IL15: variants seen among roughly 807,000 people sequenced by gnomAD.
The protein encoded by IL15 is interleukin 15.
In IL15, 11 loss-of-function variants were observed where a neutral mutation model predicts 19.6. The observed-to-expected ratio is 0.56, with a 90% CI of 0.35 to 0.93. The LOEUF is 0.93. Ranked by LOEUF, IL15 falls within the 40% of genes least tolerant of loss-of-function variation. The pLI is 0.01. For missense variants in IL15, 197 were observed against 186.5 expected, an observed-to-expected ratio of 1.06 and a Z score of -0.33; for synonymous variants, 58 against 59.6, an observed-to-expected ratio of 0.97 and a Z score of 0.12.
intron 2 of IL15, chr4:141,704,596 C>G: frequency 2.6e-6 from 1 of 386,548 alleles, no homozygotes; most frequent in South Asian, 1.9e-5. Context: ...CTTCAATTTT[C>G]TTCAGTAGTT....
At chr4:141,649,063 C>T (rs759898729) in intron 1 of IL15, among the ~76,000 whole-genome samples, 23 of 152,010 alleles carry the variant, frequency 1.5e-4, no homozygotes, top group Admixed American at 5.9e-4. Context: ...TACTCTCTGC[C>T]CCTAAACACA....
At position 141,732,861 on chromosome 4, in the gene IL15, CT is replaced by C. The variant is rs1730497111; in HGVS notation, c.*18del. 1 of 1,603,182 alleles carries C rather than the reference CT, an allele frequency of 6.2e-7. No homozygotes were observed. Among genetic ancestry groups the C allele is most frequent in the Admixed American group, 1.7e-5 (1 of 57,396 alleles). On this transcript the variant is annotated 3_prime_UTR_variant, in exon 8 of 8. Transcript: ENST00000320650. ...CAACACTTCTTGATTGCAATTGATT[CT>C]TTTTAAAGTGTTTCTGTTATTAACA...
chr4:141,637,477 C>G (rs1726898930), intron 1 of IL15, among the ~76,000 whole-genome samples: 1 of 151,610 alleles, frequency 6.6e-6, no homozygotes, highest in Admixed American at 6.6e-5. Flanking sequence ...TCTAGAATGT[C>G]GAAGGAACTT....
At chr4:141,730,454 A>G (rs1352232871) in intron 7 of IL15, among the ~76,000 whole-genome samples, 1 of 152,112 alleles carries the variant, frequency 6.6e-6, no homozygotes, top group Non-Finnish European at 1.5e-5. Flanking sequence ...TTCTGTTTGA[A>G]TGTTGAAGAA....
intron 1 of IL15, among the ~76,000 whole-genome samples, chr4:141,645,548 G>C (rs957923529): frequency 2.6e-5 from 4 of 152,124 alleles, no homozygotes; most frequent in Non-Finnish European, 5.9e-5. Flanking sequence ...TTCACTAACA[G>C]GGTCCTTGCC....
At chr4:141,684,980 G>A (rs1728663311) in intron 2 of IL15, among the ~76,000 whole-genome samples, 1 of 151,630 alleles carries the variant, frequency 6.6e-6, no homozygotes, top group Non-Finnish European at 1.5e-5. Context: ...TTAACAAAGA[G>A]GTCATGAAAT....
intron 2 of IL15, among the ~76,000 whole-genome samples, chr4:141,699,519 G>A (rs1226541442): frequency 6.6e-6 from 1 of 152,080 alleles, no homozygotes; most frequent in East Asian, 1.9e-4. Context: ...CCATTGTTAG[G>A]TGCATATAAA....
intron 1 of IL15, among the ~76,000 whole-genome samples, chr4:141,640,306 A>AAAG (rs1201687757): frequency 6.6e-6 from 1 of 151,940 alleles, no homozygotes. Context: ...CTGAATTTAC[A>AAAG]AAGAAAAAAA....
At position 141,695,407 on chromosome 4, in the gene IL15, A is replaced by C. The variant is rs1481767512; in HGVS notation, c.-99-23959A>C. ...TTCACATGTTCTCATAAATGACAAC[A>C]CTTCATTCTTTTTATGACTAAATAG... On this transcript the variant is annotated intron_variant, in intron 2 of 7. Transcript: ENST00000320650. Among the ~76,000 whole-genome samples, 5 of 148,984 alleles carry C rather than the reference A, an allele frequency of 3.4e-5. No individual in the cohort carries two copies. The Admixed American group carries it at 3.4e-4, about 10-fold the overall frequency.
chr4:141,657,865 G>A (rs1416018039), intron 2 of IL15, among the ~76,000 whole-genome samples: 1 of 152,076 alleles, frequency 6.6e-6, no homozygotes, highest in East Asian at 1.9e-4. Context: ...ATACAATAAT[G>A]ATAAAAAGTA....
At position 141,733,920 on chromosome 4, in the gene IL15, C is replaced by T. The variant is rs1730538035; in HGVS notation, c.*1072C>T. 6.6e-6 allele frequency: 1 copy of T among 152,160 alleles called. No individual in the cohort carries two copies. The highest frequency in any genetic ancestry group is 1.5e-5 in the Non-Finnish European group (1 of 68,032). 9.4% of individuals were successfully genotyped at this position (152,160 alleles called of 1,614,324 possible). On this transcript the variant is annotated 3_prime_UTR_variant, in exon 8 of 8. Coordinates refer to ENST00000320650, the MANE Select transcript of IL15 (RefSeq NM_000585.5). ...CACTACACTGTCTAAAATTAGCAAG[C>T]TCTCTTCTAATGGAACTGTAAGAAA...
chr4:141,682,269 C>G (rs1313595924), intron 2 of IL15, among the ~76,000 whole-genome samples: 1 of 152,076 alleles, frequency 6.6e-6, no homozygotes, highest in Non-Finnish European at 1.5e-5. Context: ...AAATATCTAC[C>G]TCTCCTTAAA....
At chr4:141,681,832 TG>T (rs1233604086) in intron 2 of IL15, among the ~76,000 whole-genome samples, 1 of 152,188 alleles carries the variant, frequency 6.6e-6, no homozygotes, top group Non-Finnish European at 1.5e-5. Context: ...ACTAAGTGGT[TG>T]TTGGTGCAGA....
At chr4:141,652,543 A>G (rs575069454) in intron 1 of IL15, among the ~76,000 whole-genome samples, 4 of 152,258 alleles carry the variant, frequency 2.6e-5, no homozygotes, top group African/African-American at 9.6e-5. Context: ...CCAGAAAGCA[A>G]TGTTTTAGAA....
chr4:141,729,227 T>C (rs537777611), intron 6 of IL15, among the ~76,000 whole-genome samples: 60 of 152,268 alleles, frequency 3.9e-4, no homozygotes, highest in African/African-American at 1.4e-3. Flanking sequence ...CAAAGTCAAA[T>C]AATGGTCAAA....
chr4:141,693,164 C>A (rs1728980167), intron 2 of IL15, among the ~76,000 whole-genome samples: 1 of 151,914 alleles, frequency 6.6e-6, no homozygotes, highest in African/African-American at 2.4e-5. Context: ...GAAGCAGGCA[C>A]CCTCTTCGCA....
intron 1 of IL15, among the ~76,000 whole-genome samples, chr4:141,652,450 C>T (rs898980785): frequency 3.9e-5 from 6 of 152,098 alleles, no homozygotes; most frequent in Non-Finnish European, 8.8e-5. Flanking sequence ...TTAATAGAGA[C>T]GACCTCCCCC....
intron 2 of IL15, among the ~76,000 whole-genome samples, chr4:141,692,905 C>G (rs1054158766): frequency 6.6e-6 from 1 of 150,916 alleles, no homozygotes; most frequent in Non-Finnish European, 1.5e-5. Context: ...TGTAGCAGTA[C>G]CCCCATCTGC....
intron 2 of IL15, among the ~76,000 whole-genome samples, chr4:141,680,281 G>C (rs1391373204): frequency 6.6e-6 from 1 of 152,214 alleles, no homozygotes; most frequent in African/African-American, 2.4e-5. Flanking sequence ...TGGAGGGAAA[G>C]TGTGGCTATG....
Sources: allele counts gnomAD v4.1 joint callset (sites outside exome capture counted in the v4.1 genomes callset), GRCh38; gene constraint gnomAD v4.1.1; transcripts MANE v1.5; gene names NCBI Gene and HGNC (gene_info 2026-07-23, HGNC 2026-07-21).